DCTN5: variants seen among roughly 807,000 people sequenced by gnomAD.
The protein encoded by DCTN5 is dynactin 4.
Under a neutral mutation model 23.5 loss-of-function variants are expected in DCTN5, and 14 were observed. That is an observed-to-expected ratio of 0.60 (90% CI 0.39 to 0.93). The LOEUF is 0.93. Among genes scored for constraint, DCTN5 ranks in the 40% least tolerant of loss-of-function variants. The pLI, the probability that DCTN5 is intolerant of heterozygous loss-of-function variation, is 0.00. For missense variants in DCTN5, 156 were observed against 225.9 expected (o/e 0.69, Z 1.98); for synonymous variants, 67 against 79.6 (o/e 0.84, Z 0.84).
intron 2 of DCTN5, among the ~76,000 whole-genome samples, chr16:23,654,635 C>T (rs1412219330): frequency 6.6e-6 from 1 of 152,178 alleles, no homozygotes; most frequent in Non-Finnish European, 1.5e-5. Flanking sequence ...TTCCTTCTAG[C>T]TGTTTTGAAA....
At position 23,671,683 on chromosome 16, in the gene DCTN5, C is replaced by T. The variant is rs374577017; in HGVS notation, c.*4539C>T. 30 of 152,356 alleles carry T rather than the reference C, an allele frequency of 2.0e-4. No individual in the cohort carries two copies. The South Asian group carries it at 2.1e-3, about 11-fold the overall frequency. 9.4% of individuals were successfully genotyped at this position (152,356 alleles called of 1,614,324 possible). On this transcript the variant is annotated 3_prime_UTR_variant, in exon 6 of 6. Transcript: ENST00000300087. Reference sequence around the variant, plus strand: ...TGCAGCTCCTCCACTATCTTGGCCTCCAAGGCAGCTGGCTTTGAACACTAC... The same window carrying T: ...TGCAGCTCCTCCACTATCTTGGCCTTCAAGGCAGCTGGCTTTGAACACTAC...
At chr16:23,645,137 A>ATTTTTTTTTTTT (rs869033729) in intron 2 of DCTN5, among the ~76,000 whole-genome samples, 4 of 30,804 alleles carry the variant, frequency 1.3e-4, no homozygotes, top group African/African-American at 2.6e-4. Flanking sequence ...ATATATATAT[A>ATTTTTTTTTTTT]TTTTTTTTTT....
chr16:23,645,116 TA>T lies in DCTN5; in HGVS notation c.117+2094del, dbSNP rs1567228400. On this transcript the variant is annotated intron_variant, in intron 2 of 5. Transcript: ENST00000300087. ...ATATATATATATATATATATATATATATATATATATATATATATATATTTTT... is the reference window on the plus strand; with the variant it reads ...ATATATATATATATATATATATATATTATATATATATATATATATATTTTT... Among the ~76,000 whole-genome samples the T allele has an allele frequency of 5.5e-3, 231 of 41,734 alleles. 12 individuals are homozygous for T. Among genetic ancestry groups the T allele is most frequent in the South Asian group, 9.2e-3 (12 of 1,306 alleles). 27.4% of individuals were successfully genotyped at this position (41,734 alleles called of 152,430 possible).
intron 3 of DCTN5, among the ~76,000 whole-genome samples, chr16:23,659,886 A>G (rs981385081): frequency 1.3e-5 from 2 of 152,222 alleles, no homozygotes; most frequent in Admixed American, 6.5e-5. Context: ...GTTGATTAAC[A>G]GCATTGTTGG....
intron 5 of DCTN5, chr16:23,665,990 C>T: frequency 2.1e-6 from 1 of 479,804 alleles, no homozygotes; most frequent in Non-Finnish European, 3.7e-6. Context: ...TGTGAGATTG[C>T]ACGGGTTAAT....
chr16:23,664,271 A>C (rs2140987128), intron 4 of DCTN5, among the ~76,000 whole-genome samples: 1 of 152,366 alleles, frequency 6.6e-6, no homozygotes, highest in Non-Finnish European at 1.5e-5. Flanking sequence ...TTATCCACCT[A>C]GCTGGAGAGA....
chr16:23,642,356 A>G (rs960379779), intron 1 of DCTN5, among the ~76,000 whole-genome samples: 2 of 152,204 alleles, frequency 1.3e-5, no homozygotes, highest in Admixed American at 1.3e-4. Context: ...TGATACTCAT[A>G]GTCATTATCC....
chr16:23,644,941 G>T (rs1435671401), intron 2 of DCTN5, among the ~76,000 whole-genome samples: 1 of 146,694 alleles, frequency 6.8e-6, no homozygotes. Context: ...CACTACACTG[G>T]GCTAATTTTT....
At chr16:23,645,110 TATATATATATATATATA>T (rs1967411052) in intron 2 of DCTN5, among the ~76,000 whole-genome samples, 5 of 39,568 alleles carry the variant, frequency 1.3e-4, no homozygotes, top group Admixed American at 5.7e-4. Flanking sequence ...TATATATATA[TATATATATATATATATA>T]TATATATATA....
intron 1 of DCTN5, 30 bp from the exon 2 acceptor site, chr16:23,642,925 T>C (rs1167374108): frequency 1.2e-6 from 2 of 1,606,906 alleles, no homozygotes; most frequent in South Asian, 2.2e-5. Flanking sequence ...TTAAGTTTGC[T>C]TTCCCCGGTT....
chr16:23,644,041 A>G (rs745592514), intron 2 of DCTN5, among the ~76,000 whole-genome samples: 7 of 152,112 alleles, frequency 4.6e-5, no homozygotes, highest in Non-Finnish European at 1.0e-4. Context: ...AGTAGAAGAT[A>G]ATTAGTCTCC....
Position 23,675,057 on chromosome 16 carries a change from T to C in DCTN5, c.*7913T>C, listed in dbSNP as rs1017051362. The C allele has an allele frequency of 1.3e-5, 2 of 152,182 alleles. No individual in the cohort carries two copies. The highest frequency in any genetic ancestry group is 2.9e-5 in the Non-Finnish European group (2 of 68,022). The allele number at this position is 152,182 out of a possible 1,614,324, so 9.4% of individuals were successfully genotyped here. ...GCCTATCTTCAAATATACTCACATTTTGAGGTACAGGTAGATGGTTAGGGC... is the reference window on the plus strand; with the variant it reads ...GCCTATCTTCAAATATACTCACATTCTGAGGTACAGGTAGATGGTTAGGGC... On this transcript the variant is annotated 3_prime_UTR_variant, in exon 6 of 6. Transcript: ENST00000300087.
chr16:23,645,083 CTATATATA>C (rs869302728), intron 2 of DCTN5, among the ~76,000 whole-genome samples: 104 of 33,024 alleles, frequency 3.1e-3, no homozygotes, highest in Middle Eastern at 0.026. Context: ...CCCAGCCTAA[CTATATATA>C]TATATATATA....
At chr16:23,664,975 T>A (rs150741728) in intron 4 of DCTN5, among the ~76,000 whole-genome samples, 1 of 152,340 alleles carries the variant, frequency 6.6e-6, no homozygotes, top group Non-Finnish European at 1.5e-5. Flanking sequence ...GCCCATGTTG[T>A]AAGAATTAGT....
In DCTN5 at chr16:23,641,563, C is replaced by G. The variant is rs1172888059; in HGVS notation, c.21C>G (p.Leu7=). ...CGGCCATGGAGTTGGGCGAGCTGCT[C>G]TACAACAAGTCTGAGTACATCGAGA... is the stretch of plus-strand genomic sequence containing the variant. The part of the protein sequence containing the change: MELGEL[L]YNKSEYIETA... Residue 7 remains leucine (L), a synonymous_variant, in exon 1 of 6, where the codon CTC becomes CTG. Transcript: ENST00000300087. 4.3e-6 allele frequency: 7 copies of G among 1,613,970 alleles called. No individual in the cohort carries two copies. The African/African-American group carries it at 9.3e-5, about 22-fold the overall frequency.
chr16:23,662,988 C>T (rs766493643), intron 4 of DCTN5, among the ~76,000 whole-genome samples: 27 of 152,174 alleles, frequency 1.8e-4, no homozygotes, highest in Non-Finnish European at 2.1e-4. Context: ...TGGCGGTACT[C>T]GCTGAGCCTT....
rs1264286916 is a variant in DCTN5 at position 23,672,591 on chromosome 16, G to T, written c.*5447G>T. The T allele has an allele frequency of 6.6e-6, 1 of 152,272 alleles. No individual in the cohort carries two copies. Among genetic ancestry groups the T allele is most frequent in the Admixed American group, 6.5e-5 (1 of 15,286 alleles). The allele number at this position is 152,272 out of a possible 1,614,324, so 9.4% of individuals were successfully genotyped here. A position where few individuals can be genotyped will look rare whatever the true frequency, so the allele number is the denominator to read the frequency against. On this transcript the variant is annotated 3_prime_UTR_variant, in exon 6 of 6. Coordinates refer to ENST00000300087, the MANE Select transcript of DCTN5 (RefSeq NM_032486.4). The stretch of plus-strand genomic sequence containing the variant: ...CAGACAAACAAGGCCCAAGAGGCAA[G>T]TGTGCAGGTGGGTGTAGTTGGGAGT...
At chr16:23,663,533 G>C (rs551450431) in intron 4 of DCTN5, among the ~76,000 whole-genome samples, 7 of 152,114 alleles carry the variant, frequency 4.6e-5, no homozygotes, top group Non-Finnish European at 1.0e-4. Flanking sequence ...GGCCAACATG[G>C]TGAAACCCCG....
chr16:23,653,919 A>C (rs1323767443), intron 2 of DCTN5, among the ~76,000 whole-genome samples: 2 of 152,200 alleles, frequency 1.3e-5, no homozygotes. Context: ...AAGAAGAAAT[A>C]CAATAATCAT....
Sources: allele counts gnomAD v4.1 joint callset (sites outside exome capture counted in the v4.1 genomes callset), GRCh38; gene constraint gnomAD v4.1.1; transcripts MANE v1.5; gene names NCBI Gene and HGNC (gene_info 2026-07-23, HGNC 2026-07-21).